VAC14: variants seen among roughly 807,000 people sequenced by gnomAD.
VAC14 encodes the protein protein VAC14 homolog.
VAC14 carries 47 observed loss-of-function variants against 85.3 expected under a neutral mutation model. The ratio of observed to expected loss-of-function variants is 0.55; its 90% CI spans 0.44 to 0.70. The LOEUF (loss-of-function observed/expected upper bound fraction) is 0.70. Ranked by LOEUF, VAC14 falls within the 30% of genes least tolerant of loss-of-function variation. The probability of loss-of-function intolerance (pLI) is 0.00; values close to 1 mark genes in which losing one functional copy is unlikely to be tolerated. For synonymous variants in VAC14, 447 were observed against 430.5 expected (o/e 1.04, Z -0.47); for missense variants, 861 against 1,004.3 (o/e 0.86, Z 1.93).
intron 12 of VAC14, chr16:70,761,407 G>A (rs1298978740): frequency 2.5e-5 from 5 of 198,716 alleles, no homozygotes; most frequent in Admixed American, 2.5e-4. Context: ...AGAGGAAAGT[G>A]GGCTGAGGCT....
chr16:70,785,207 G>A (rs1186756989), intron 3 of VAC14, among the ~76,000 whole-genome samples: 1 of 152,230 alleles, frequency 6.6e-6, no homozygotes, highest in Non-Finnish European at 1.5e-5. Context: ...GGGTAGCTGC[G>A]AGGCTGATAC....
intron 1 of VAC14, among the ~76,000 whole-genome samples, chr16:70,798,600 A>C (rs578019190): frequency 6.6e-6 from 1 of 152,358 alleles, no homozygotes; most frequent in Admixed American, 6.5e-5. Context: ...CATTCTAAGC[A>C]TGACTGGAGA....
intron 14 of VAC14, among the ~76,000 whole-genome samples, chr16:70,729,519 C>T (rs1461073489): frequency 6.6e-6 from 1 of 152,144 alleles, no homozygotes; most frequent in Non-Finnish European, 1.5e-5. Context: ...CCTCAACTCC[C>T]CCAGCAGCAT....
At chr16:70,693,210 G>A (rs1165150624) in intron 17 of VAC14, among the ~76,000 whole-genome samples, 1 of 152,196 alleles carries the variant, frequency 6.6e-6, no homozygotes, top group Non-Finnish European at 1.5e-5. Flanking sequence ...CCGTTTCCAT[G>A]ATCTCATCTT....
intron 12 of VAC14, among the ~76,000 whole-genome samples, chr16:70,750,430 C>T (rs1597934080): frequency 6.6e-6 from 1 of 151,722 alleles, no homozygotes; most frequent in South Asian, 2.1e-4. Context: ...GAGCGCCTGC[C>T]GTTACCATGG....
At chr16:70,693,745 C>A (rs2053647748) in intron 17 of VAC14, among the ~76,000 whole-genome samples, 1 of 152,218 alleles carries the variant, frequency 6.6e-6, no homozygotes, top group South Asian at 2.1e-4. Context: ...CGAGCCTCTC[C>A]AGGAGAATCA....
At chr16:70,741,055 C>T (rs1481730633) in intron 13 of VAC14, among the ~76,000 whole-genome samples, 2 of 152,360 alleles carry the variant, frequency 1.3e-5, no homozygotes, top group Admixed American at 1.3e-4. Flanking sequence ...TCCCTGCCTC[C>T]GAGGCTTTCC....
chr16:70,733,968 G>A (rs572353699), intron 13 of VAC14, among the ~76,000 whole-genome samples: 16 of 151,856 alleles, frequency 1.1e-4, no homozygotes, highest in African/African-American at 3.6e-4. Flanking sequence ...GACTACAGGC[G>A]TGTGCCACCA....
At chr16:70,777,117 G>A (rs2033560272) in intron 9 of VAC14, among the ~76,000 whole-genome samples, 1 of 151,910 alleles carries the variant, frequency 6.6e-6, no homozygotes, top group Non-Finnish European at 1.5e-5. Context: ...CCTAATTTTT[G>A]TATTTTTAGT....
chr16:70,791,157 C>G (rs1486059748), intron 1 of VAC14, among the ~76,000 whole-genome samples: 2 of 152,184 alleles, frequency 1.3e-5, no homozygotes, highest in African/African-American at 4.8e-5. Flanking sequence ...CTGCCTGGCC[C>G]ATGCTGCACC....
chr16:70,689,094 G>C, intron 18 of VAC14: 2 of 985,284 alleles, frequency 2.0e-6, no homozygotes, highest in Non-Finnish European at 2.4e-6. Context: ...GGCACTGGCA[G>C]AGCACAGGAT....
intron 12 of VAC14, among the ~76,000 whole-genome samples, chr16:70,759,208 C>T (rs956933813): frequency 2.6e-5 from 4 of 152,206 alleles, no homozygotes; most frequent in African/African-American, 9.6e-5. Context: ...TCACAACCAT[C>T]CTGGGAGAGC....
intron 14 of VAC14, among the ~76,000 whole-genome samples, chr16:70,711,723 G>A (rs920401383): frequency 1.4e-4 from 22 of 152,348 alleles, no homozygotes; most frequent in African/African-American, 4.1e-4. Context: ...AGGAGCTAGA[G>A]CCATGAGTGC....
chr16:70,691,647 C>T, intron 18 of VAC14: 1 of 985,482 alleles, frequency 1.0e-6, no homozygotes. Context: ...CCTGCCACTG[C>T]AGGGCACTGC....
Position 70,783,458 on chromosome 16 carries a change from CTT to C in VAC14, c.689_690del (p.Lys230ArgfsTer7). On this transcript the variant is annotated frameshift_variant, in exon 6 of 19. Coordinates refer to ENST00000261776, the MANE Select transcript of VAC14 (RefSeq NM_018052.5). LOFTEE classifies it high-confidence loss of function. Reference sequence around the variant, plus strand: ...TACTCCACTCACATTTTGCGAATCTCTTTGCCATTGTCACCCAGGATCTGGAA... The same window carrying C: ...TACTCCACTCACATTTTGCGAATCTCTGCCATTGTCACCCAGGATCTGGAA... ...GLFQILGDNG[K>X]EIRKMCEVVL... is the part of the protein sequence containing the mutation. 2 of 1,614,124 alleles carry C rather than the reference CTT, an allele frequency of 1.2e-6. No homozygotes were observed. The highest frequency in any genetic ancestry group is 1.7e-6 in the Non-Finnish European group (2 of 1,180,036).
At chr16:70,734,393 A>G (rs916239267) in intron 13 of VAC14, among the ~76,000 whole-genome samples, 3 of 152,160 alleles carry the variant, frequency 2.0e-5, no homozygotes, top group Non-Finnish European at 4.4e-5. Flanking sequence ...TTGGCCTCCC[A>G]AAGTGTTGGG....
At position 70,697,186 on chromosome 16, in the gene VAC14, G is replaced by A; in HGVS notation, c.1908C>T (p.Cys636=). The change falls in exon 16 of 19, where the codon TGC becomes TGT. Residue 636 remains cysteine, a synonymous_variant. Transcript: ENST00000261776. ...CGTGCCGGTAGTTCTGGGTGAGGAA[G>A]CAGAGGGACACCGTGGTGACTGGGT... The part of the protein sequence containing the change: ...CHNPVTTVSL[C]FLTQNYRHAY... 2.5e-6 allele frequency: 4 copies of A among 1,614,068 alleles called. No homozygotes were observed. The highest frequency in any genetic ancestry group is 3.4e-6 in the Non-Finnish European group (4 of 1,179,970).
intron 7 of VAC14, among the ~76,000 whole-genome samples, chr16:70,782,641 T>A (rs748470624): frequency 6.6e-6 from 1 of 152,220 alleles, no homozygotes; most frequent in Non-Finnish European, 1.5e-5. Context: ...CACAGACTTA[T>A]GATAAGTGAC....
intron 14 of VAC14, among the ~76,000 whole-genome samples, chr16:70,717,421 C>A (rs1350952165): frequency 6.6e-6 from 1 of 152,200 alleles, no homozygotes; most frequent in Non-Finnish European, 1.5e-5. Flanking sequence ...CTCGCCTCTG[C>A]CTGCACACTA....
Sources: allele counts gnomAD v4.1 joint callset (sites outside exome capture counted in the v4.1 genomes callset), GRCh38; gene constraint gnomAD v4.1.1; transcripts MANE v1.5; gene names NCBI Gene and HGNC (gene_info 2026-07-23, HGNC 2026-07-21).